FMNL2: variants seen among roughly 807,000 people sequenced by gnomAD.
FMNL2 encodes the protein formin like 2.
Under a neutral mutation model 130.2 loss-of-function variants are expected in FMNL2, and 51 were observed. The observed-to-expected ratio is 0.39, with a 90% CI of 0.31 to 0.49. The LOEUF (loss-of-function observed/expected upper bound fraction) is 0.49, where lower values mean the gene tolerates loss of function less well. Ranked by LOEUF, FMNL2 falls within the 20% of genes least tolerant of loss-of-function variation. FMNL2 has a pLI of 0.85. For synonymous variants in FMNL2, 465 were observed against 467.1 expected (o/e 1.00, Z 0.06); for missense variants, 977 against 1,316.2 (o/e 0.74, Z 3.99).
intron 23 of FMNL2, among the ~76,000 whole-genome samples, chr2:152,638,235 A>C (rs1187910057): frequency 1.3e-5 from 2 of 152,224 alleles, no homozygotes; most frequent in African/African-American, 4.8e-5. Flanking sequence ...GACATAATCC[A>C]GGGCTGTGGT....
chr2:152,370,356 C>G (rs770110485), intron 1 of FMNL2, among the ~76,000 whole-genome samples: 5 of 152,190 alleles, frequency 3.3e-5, no homozygotes, highest in Non-Finnish European at 7.3e-5. Flanking sequence ...CATGAAGACT[C>G]TGCTGTCATG....
chr2:152,412,453 TA>T (rs1558840796), intron 1 of FMNL2, among the ~76,000 whole-genome samples: 3 of 7,116 alleles, frequency 4.2e-4, no homozygotes, highest in African/African-American at 9.0e-4. Flanking sequence ...ATTTTATATA[TA>T]TATATATATA....
At position 152,640,894 on chromosome 2, in the gene FMNL2, C is replaced by T. The variant is rs561512416; in HGVS notation, c.3149C>T (p.Ala1050Val). The T allele has an allele frequency of 3.1e-6, 5 of 1,613,742 alleles. No individual in the cohort carries two copies. Among genetic ancestry groups the T allele is most frequent in the Non-Finnish European group, 4.2e-6 (5 of 1,179,762 alleles). ...CATGTATATGAGGGAAAAGATGGTG[C>T]CATTGAAGATATTATCACAGGTAAA... Reference protein sequence around the residue: ...NRHVYEGKDGAIEDIITDLRN... With the variant: ...NRHVYEGKDGVIEDIITDLRN... The change falls in exon 25 of 26, where the codon GCC becomes GTC. Residue 1050 changes from alanine to valine, a missense_variant. Around this residue, in one of 4 missense-constraint regions of FMNL2, gnomAD observed 168 missense variants for 168.8 expected, o/e 1.00. Transcript: ENST00000288670.
intron 9 of FMNL2, among the ~76,000 whole-genome samples, chr2:152,601,668 TTTC>T (rs1297191105): frequency 8.8e-4 from 11 of 12,498 alleles, no homozygotes; most frequent in East Asian, 2.2e-3. Context: ...TTTTCTTTTC[TTTC>T]TTTTTTTTTT....
chr2:152,500,239 G>T (rs1691737627), intron 1 of FMNL2, among the ~76,000 whole-genome samples: 1 of 151,908 alleles, frequency 6.6e-6, no homozygotes, highest in East Asian at 1.9e-4. Context: ...GAGCAGGAGG[G>T]TGAGAACTAA....
intron 9 of FMNL2, among the ~76,000 whole-genome samples, chr2:152,590,924 T>C (rs1050256101): frequency 6.9e-6 from 1 of 145,260 alleles, no homozygotes. Flanking sequence ...TAAGTAATAA[T>C]CCCTCACGTG....
intron 1 of FMNL2, among the ~76,000 whole-genome samples, chr2:152,453,127 T>A (rs1186844584): frequency 7.1e-6 from 1 of 140,482 alleles, no homozygotes; most frequent in Non-Finnish European, 1.5e-5. Flanking sequence ...ACTTGAACCC[T>A]GGAGGCAGAG....
At chr2:152,647,295 G>T (rs912490905) in intron 25 of FMNL2, among the ~76,000 whole-genome samples, 3 of 152,152 alleles carry the variant, frequency 2.0e-5, no homozygotes, top group African/African-American at 7.2e-5. Context: ...AATAAACTCA[G>T]CTAGCTTAAT....
intron 2 of FMNL2, among the ~76,000 whole-genome samples, chr2:152,525,534 C>T (rs994431189): frequency 2.0e-5 from 3 of 152,196 alleles, no homozygotes; most frequent in Non-Finnish European, 4.4e-5. Flanking sequence ...TGATAGCTGG[C>T]TGTTGCTTTG....
At chr2:152,552,532 A>G (rs1694992805) in intron 4 of FMNL2, among the ~76,000 whole-genome samples, 1 of 152,234 alleles carries the variant, frequency 6.6e-6, no homozygotes, top group Non-Finnish European at 1.5e-5. Context: ...TGTCAAGCAA[A>G]GGACTTCTTC....
At chr2:152,364,259 G>GGTTTTTTTTTTT (rs1553868318) in intron 1 of FMNL2, among the ~76,000 whole-genome samples, 1 of 100,798 alleles carries the variant, frequency 9.9e-6, no homozygotes, top group African/African-American at 4.4e-5. Flanking sequence ...GGAGGTTTGT[G>GGTTTTTTTTTTT]TGTTTTTTTT....
At chr2:152,535,084 G>A (rs1304025094) in intron 2 of FMNL2, among the ~76,000 whole-genome samples, 1 of 152,152 alleles carries the variant, frequency 6.6e-6, no homozygotes, top group Admixed American at 6.5e-5. Flanking sequence ...AATCATGCAC[G>A]TTTTCACTAT....
At chr2:152,394,561 T>C (rs1685289596) in intron 1 of FMNL2, among the ~76,000 whole-genome samples, 1 of 152,104 alleles carries the variant, frequency 6.6e-6, no homozygotes, top group East Asian at 1.9e-4. Flanking sequence ...AATTCAGAAC[T>C]CTTACAGGCA....
At chr2:152,522,941 G>A (rs895994856) in intron 2 of FMNL2, among the ~76,000 whole-genome samples, 6 of 152,062 alleles carry the variant, frequency 3.9e-5, no homozygotes, top group African/African-American at 9.7e-5. Flanking sequence ...AACCTTATTT[G>A]TGAAGCCTTA....
chr2:152,471,805 G>A (rs182669868), intron 1 of FMNL2, among the ~76,000 whole-genome samples: 5 of 152,256 alleles, frequency 3.3e-5, no homozygotes, highest in African/African-American at 4.8e-5. Flanking sequence ...CTTTGGAAAC[G>A]GAAGTCCACC....
At chr2:152,422,083 G>T (rs1301592681) in intron 1 of FMNL2, among the ~76,000 whole-genome samples, 1 of 152,196 alleles carries the variant, frequency 6.6e-6, no homozygotes, top group Admixed American at 6.5e-5. Flanking sequence ...ATCTGACAGG[G>T]CCTGAGCTCT....
In FMNL2 at chr2:152,619,591, GCCTCCT is replaced by G; in HGVS notation, c.1715_1720del (p.Pro572_Pro573del). The stretch of plus-strand genomic sequence containing the variant: ...CTCCTCCTCCCCCACCGCCCCCTCC[GCCTCCT>G]CCTCTCCCAGGCCCTGCAGCTGAGA... On this transcript the variant is annotated inframe_deletion, in exon 15 of 26. Transcript: ENST00000288670. 1 of 475,532 alleles carries G rather than the reference GCCTCCT, an allele frequency of 2.1e-6. No homozygotes were observed. The allele number at this position is 475,532 out of a possible 1,614,324, so 29.5% of individuals were successfully genotyped here. A position where few individuals can be genotyped will look rare whatever the true frequency, so the allele number is the denominator to read the frequency against.
At chr2:152,466,640 C>T (rs187249623) in intron 1 of FMNL2, among the ~76,000 whole-genome samples, 1 of 152,198 alleles carries the variant, frequency 6.6e-6, no homozygotes, top group South Asian at 2.1e-4. Flanking sequence ...CCTATTAACA[C>T]TGGACTTCCT....
At chr2:152,482,142 A>G (rs546816318) in intron 1 of FMNL2, among the ~76,000 whole-genome samples, 3 of 152,358 alleles carry the variant, frequency 2.0e-5, no homozygotes, top group Admixed American at 6.5e-5. Context: ...ACAGGTCGCT[A>G]TAAAAGTTTC....
Sources: gnomAD v4.1 joint callset for allele counts (sites outside exome capture counted in the v4.1 genomes callset) on GRCh38, gnomAD v4.1.1 for gene constraint, gnomAD v4.1.1 regional missense constraint, MANE v1.5 for transcripts, NCBI Gene and HGNC (gene_info 2026-07-23, HGNC 2026-07-21) for gene names.